The following HSD17B11 variants were observed in gnomAD, a reference collection of about 807,000 sequenced individuals.
HSD17B11 encodes the protein estradiol 17-beta-dehydrogenase 11.
In HSD17B11, 22 loss-of-function variants were observed where a neutral mutation model predicts 27.8. The observed-to-expected ratio is 0.79, with a 90% CI of 0.56 to 1.13. The LOEUF is 1.13. Among genes scored for constraint, HSD17B11 ranks in the 50% most tolerant of loss-of-function variants. The probability of loss-of-function intolerance (pLI) is 0.00; values close to 1 mark genes in which losing one functional copy is unlikely to be tolerated. For missense variants in HSD17B11, 314 were observed against 351.1 expected (o/e 0.89, Z 0.84); for synonymous variants, 117 against 132.8 (o/e 0.88, Z 0.82).
At chr4:87,379,218 C>T (rs954039269) in intron 2 of HSD17B11, among the ~76,000 whole-genome samples, 2 of 149,186 alleles carry the variant, frequency 1.3e-5, no homozygotes, top group African/African-American at 2.4e-5. Flanking sequence ...AGGCTGATCT[C>T]GAACTCCTGA....
In HSD17B11 at chr4:87,382,238, T is replaced by C. The variant is rs933952188; in HGVS notation, c.318+17A>G. On this transcript the variant is annotated intron_variant, in intron 2 of 6. Coordinates refer to ENST00000358290, the MANE Select transcript of HSD17B11 (RefSeq NM_016245.5). Reference sequence around the variant, plus strand: ...AGCTCTAACATGATATGATTCTAACTAAACACAACATTTCACCTTCTTTGC... The same window carrying C: ...AGCTCTAACATGATATGATTCTAACCAAACACAACATTTCACCTTCTTTGC... 7 of 1,581,452 alleles carry C rather than the reference T, an allele frequency of 4.4e-6. No individual in the cohort carries two copies. The highest frequency in any genetic ancestry group is 6.1e-6 in the Non-Finnish European group (7 of 1,150,460).
At chr4:87,386,219 C>A (rs74571813) in intron 1 of HSD17B11, among the ~76,000 whole-genome samples, 2 of 113,932 alleles carry the variant, frequency 1.8e-5, no homozygotes, top group Non-Finnish European at 3.7e-5. Flanking sequence ...TTTTTTTTTT[C>A]TGAGATGGAG....
chr4:87,385,030 T>C (rs1428597536), intron 1 of HSD17B11, among the ~76,000 whole-genome samples: 2 of 152,106 alleles, frequency 1.3e-5, no homozygotes, highest in Non-Finnish European at 2.9e-5. Flanking sequence ...AGAAAGAAGC[T>C]ACATTGAAAT....
intron 4 of HSD17B11, among the ~76,000 whole-genome samples, chr4:87,363,075 G>A (rs928777327): frequency 2.0e-5 from 3 of 152,048 alleles, no homozygotes; most frequent in African/African-American, 4.8e-5. Context: ...AAGCAGAGTA[G>A]CTAATGTCTA....
chr4:87,380,652 T>C (rs976864302), intron 2 of HSD17B11, among the ~76,000 whole-genome samples: 15 of 147,536 alleles, frequency 1.0e-4, no homozygotes, highest in African/African-American at 3.5e-4. Context: ...GGTCAGGAGA[T>C]ACAGACCATC....
intron 1 of HSD17B11, among the ~76,000 whole-genome samples, chr4:87,384,174 A>G (rs1193075510): frequency 6.6e-5 from 10 of 152,232 alleles, no homozygotes. Flanking sequence ...ATAAATTGTG[A>G]AGATTTCATT....
intron 4 of HSD17B11, among the ~76,000 whole-genome samples, chr4:87,361,338 A>G (rs1386581423): frequency 6.6e-6 from 1 of 152,204 alleles, no homozygotes; most frequent in East Asian, 1.9e-4. Context: ...TACATGGTCT[A>G]AAAAGAGGAA....
intron 1 of HSD17B11, among the ~76,000 whole-genome samples, chr4:87,384,249 A>C (rs752202618): frequency 1.3e-5 from 2 of 152,206 alleles, no homozygotes; most frequent in Non-Finnish European, 2.9e-5. Context: ...GTAATCTCTT[A>C]ATCCTGTTAT....
intron 5 of HSD17B11, among the ~76,000 whole-genome samples, chr4:87,354,168 A>G (rs540335887): frequency 6.6e-6 from 1 of 152,274 alleles, no homozygotes; most frequent in South Asian, 2.1e-4. Flanking sequence ...ATTTCTGTCT[A>G]ACGTTGGCTT....
Position 87,391,094 on chromosome 4 carries a change from GGT to G in HSD17B11, c.-26_-25del, listed in dbSNP as rs751993731. On this transcript the variant is annotated 5_prime_UTR_variant, in exon 1 of 7. Transcript: ENST00000358290. ...ATCCCTTTTGTGGCTGCGAGCGTTT[GGT>G]GTGTTTTTTTTTTTTTTTACCACTC... 2.6e-5 allele frequency: 40 copies of G among 1,526,388 alleles called. No homozygotes were observed. In the Admixed American group the frequency reaches 7.0e-4, roughly 27 times the overall value. The allele number at this position is 1,526,388 out of a possible 1,614,324, so 94.6% of individuals were successfully genotyped here. A position where few individuals can be genotyped will look rare whatever the true frequency, so the allele number is the denominator to read the frequency against.
At chr4:87,390,313 C>T (rs762902731) in intron 1 of HSD17B11, among the ~76,000 whole-genome samples, 32 of 152,124 alleles carry the variant, frequency 2.1e-4, no homozygotes, top group Non-Finnish European at 4.3e-4. Context: ...CCCGCCACCA[C>T]GCCCGGCTAA....
Position 87,367,624 on chromosome 4 carries a change from A to G in HSD17B11, c.557+5085T>C, listed in dbSNP as rs1735633771. ...GTCTTTAATAAAAATGGGAAACTGG[A>G]GAGAGAATATTATATTTCAAGAACT... is the stretch of plus-strand genomic sequence containing the variant. On this transcript the variant is annotated intron_variant, in intron 4 of 6. Coordinates refer to ENST00000358290, the MANE Select transcript of HSD17B11 (RefSeq NM_016245.5). Among the ~76,000 whole-genome samples, 3 of 152,354 alleles carry G rather than the reference A, an allele frequency of 2.0e-5. 1 individual carries two copies. In the South Asian group the frequency reaches 6.2e-4, roughly 32 times the overall value.
At chr4:87,361,221 C>T (rs1735506261) in intron 4 of HSD17B11, among the ~76,000 whole-genome samples, 1 of 152,120 alleles carries the variant, frequency 6.6e-6, no homozygotes, top group South Asian at 2.1e-4. Context: ...ACCAAACCCA[C>T]CAAAACCAAA....
At chr4:87,366,916 G>A (rs1735622034) in intron 4 of HSD17B11, among the ~76,000 whole-genome samples, 1 of 150,606 alleles carries the variant, frequency 6.6e-6, no homozygotes, top group Non-Finnish European at 1.5e-5. Context: ...TGAACCAATA[G>A]AAAACTGAAG....
chr4:87,375,202 A>G (rs1246637076), intron 2 of HSD17B11, among the ~76,000 whole-genome samples: 2 of 152,198 alleles, frequency 1.3e-5, no homozygotes, highest in Non-Finnish European at 2.9e-5. Context: ...CCCGTCTTGT[A>G]CGCAATGACT....
rs142298762 is a variant in HSD17B11 at position 87,382,365 on chromosome 4, A to G, written c.211-3T>C. 121 of 1,602,524 alleles carry G rather than the reference A, an allele frequency of 7.6e-5. No homozygotes were observed. The African/African-American group carries it at 1.1e-3, about 14-fold the overall frequency. On this transcript the variant is annotated splice_region_variant and splice_polypyrimidine_tract_variant and intron_variant, in intron 1 of 6. Transcript: ENST00000358290. The stretch of plus-strand genomic sequence containing the variant: ...GCAGCTGTTTCCTCCAGTCCATGCT[A>G]GAAAAAGCAAAAAAGAGGGCAAGGT...
intron 1 of HSD17B11, among the ~76,000 whole-genome samples, chr4:87,388,018 C>A (rs569238191): frequency 1.2e-3 from 176 of 152,214 alleles, no homozygotes; most frequent in Non-Finnish European, 2.3e-3. Context: ...ACCCTCAAAA[C>A]CCTTCATTGA....
chr4:87,375,301 G>A lies in HSD17B11; in HGVS notation c.319-471C>T, dbSNP rs140401438. ...AATCCTTTTTATTTTATGCACTTAT[G>A]TCCAAAATAGATCTATCTTCAAGTG... On this transcript the variant is annotated intron_variant, in intron 2 of 6. Transcript: ENST00000358290. 2.9e-4 allele frequency among the ~76,000 whole-genome samples: 44 copies of A among 152,274 alleles called. No homozygotes were observed. In the East Asian group the frequency reaches 8.5e-3, roughly 29 times the overall value.
chr4:87,360,212 AAT>A (rs10592172), intron 4 of HSD17B11, among the ~76,000 whole-genome samples: 79,522 of 151,804 alleles, frequency 0.52, 21,107 homozygotes, highest in Non-Finnish European at 0.58. Context: ...GGCTTCATTC[AAT>A]ATATGTCAAA....
Sources: allele counts gnomAD v4.1 joint callset (sites outside exome capture counted in the v4.1 genomes callset), GRCh38; gene constraint gnomAD v4.1.1; transcripts MANE v1.5; gene names NCBI Gene and HGNC (gene_info 2026-07-23, HGNC 2026-07-21).